ADAM12: variants seen among roughly 807,000 people sequenced by gnomAD.
The protein encoded by ADAM12 is disintegrin and metalloproteinase domain-containing protein 12.
Under a neutral mutation model 106.4 loss-of-function variants are expected in ADAM12, and 70 were observed. The ratio of observed to expected loss-of-function variants is 0.66; its 90% CI spans 0.54 to 0.80. The LOEUF (loss-of-function observed/expected upper bound fraction) is 0.80, where lower values mean the gene tolerates loss of function less well. ADAM12 is among the 30% of genes least tolerant of loss of function. The probability of loss-of-function intolerance (pLI) is 0.00; values close to 1 mark genes in which losing one functional copy is unlikely to be tolerated. For synonymous variants in ADAM12, 420 were observed against 433.5 expected, an observed-to-expected ratio of 0.97 and a Z score of 0.39; for missense variants, 1,010 against 1,171.9, an observed-to-expected ratio of 0.86 and a Z score of 2.02.
chr10:126,132,528 C>A (rs563785639), intron 5 of ADAM12, among the ~76,000 whole-genome samples: 3,594 of 140,090 alleles, frequency 0.026, 148 homozygotes, highest in African/African-American at 0.087. Flanking sequence ...ATGAACACCC[C>A]CCCCCCCTCA....
chr10:126,376,820 G>A (rs1394662056), intron 1 of ADAM12, among the ~76,000 whole-genome samples: 1 of 152,170 alleles, frequency 6.6e-6, no homozygotes, highest in African/African-American at 2.4e-5. Context: ...AGGAGAGGAG[G>A]GGAGAAGGAA....
intron 5 of ADAM12, among the ~76,000 whole-genome samples, chr10:126,134,041 C>T (rs907192140): frequency 6.6e-5 from 10 of 152,128 alleles, no homozygotes; most frequent in Non-Finnish European, 1.5e-4. Context: ...TGTTCAGTGC[C>T]GTGCCCCCAG....
chr10:126,292,710 C>T (rs1960208876), intron 2 of ADAM12, among the ~76,000 whole-genome samples: 1 of 152,192 alleles, frequency 6.6e-6, no homozygotes, highest in Non-Finnish European at 1.5e-5. Flanking sequence ...TCTGCCACTG[C>T]AGTGCAAAAG....
At chr10:126,323,161 A>T (rs929295847) in intron 2 of ADAM12, among the ~76,000 whole-genome samples, 3 of 152,188 alleles carry the variant, frequency 2.0e-5, no homozygotes, top group African/African-American at 7.2e-5. Flanking sequence ...AGGAAACACC[A>T]TTGGCTGGCT....
chr10:126,017,527 T>G (rs1953682272), intron 22 of ADAM12, among the ~76,000 whole-genome samples, 188 bp from the exon 23 acceptor site: 1 of 152,136 alleles, frequency 6.6e-6, no homozygotes, highest in African/African-American at 2.4e-5. Flanking sequence ...AAGTCAACTC[T>G]AGACCAGCAC....
chr10:126,242,731 A>G (rs12252360), intron 3 of ADAM12, among the ~76,000 whole-genome samples: 1,792 of 152,330 alleles, frequency 0.012, 32 homozygotes, highest in African/African-American at 0.04. Context: ...AGCCATGGCC[A>G]GGGTCCCAGG....
At chr10:126,273,081 T>C (rs1191985856) in intron 3 of ADAM12, 1 of 154,052 alleles carries the variant, frequency 6.5e-6, no homozygotes, top group Non-Finnish European at 1.4e-5. Flanking sequence ...TTTGGAACAG[T>C]GATCTCCCAG....
At chr10:126,059,133 A>G (rs373413362) in intron 14 of ADAM12, among the ~76,000 whole-genome samples, 27 of 152,340 alleles carry the variant, frequency 1.8e-4, no homozygotes, top group East Asian at 1.5e-3. Flanking sequence ...TATAACTTAT[A>G]TTTGTAATTG....
intron 2 of ADAM12, among the ~76,000 whole-genome samples, chr10:126,310,429 A>G (rs141995370): frequency 1.7e-3 from 265 of 152,310 alleles, no homozygotes; most frequent in African/African-American, 5.8e-3. Flanking sequence ...CAATAATTAA[A>G]GACCCCAGAG....
chr10:126,159,601 A>G (rs894870137), intron 3 of ADAM12, among the ~76,000 whole-genome samples: 1 of 152,182 alleles, frequency 6.6e-6, no homozygotes, highest in African/African-American at 2.4e-5. Context: ...ACCAGGCTTA[A>G]CTGAAAGCTG....
rs1954885106 is a variant in ADAM12, at chr10:126,066,979, A to G, written c.1324-173T>C. 3.2e-6 allele frequency: 2 copies of G among 615,618 alleles called. No individual in the cohort carries two copies. Among genetic ancestry groups the G allele is most frequent in the Non-Finnish European group, 2.9e-6 (1 of 345,692 alleles). The allele number at this position is 615,618 out of a possible 1,614,324, so 38.1% of individuals were successfully genotyped here. On this transcript the variant is annotated intron_variant, in intron 12 of 22. Transcript: ENST00000448723. This position sits in a 1 kb window ranked among gnomAD's most constrained non-coding sequence, Gnocchi z 5.1. Reference sequence around the variant, plus strand: ...TAGGAAAGCAAAGCTTCTGCTTTTTATGAACCAACTGGGTCTACGAGTCCC... The same window carrying G: ...TAGGAAAGCAAAGCTTCTGCTTTTTGTGAACCAACTGGGTCTACGAGTCCC...
chr10:126,196,365 C>T (rs558420296), intron 3 of ADAM12, among the ~76,000 whole-genome samples: 1 of 152,330 alleles, frequency 6.6e-6, no homozygotes, highest in South Asian at 2.1e-4. Context: ...TTCTCTCAAC[C>T]TTCCTTGTTC....
At chr10:126,313,354 C>T (rs1039398871) in intron 2 of ADAM12, among the ~76,000 whole-genome samples, 2 of 152,178 alleles carry the variant, frequency 1.3e-5, no homozygotes, top group Non-Finnish European at 2.9e-5. Context: ...TATTGGTGAC[C>T]CAGACCAACC....
intron 2 of ADAM12, among the ~76,000 whole-genome samples, chr10:126,305,579 T>C (rs750845346): frequency 5.9e-5 from 9 of 152,122 alleles, no homozygotes; most frequent in Non-Finnish European, 1.2e-4. Context: ...CGTGGGTGTA[T>C]ATACTTGTCA....
rs1457414932 is a variant in ADAM12 at position 126,101,164 on chromosome 10, A to C, written c.819T>G (p.Ser273Arg). Reference protein sequence around the residue: ...VWNDMDKCSVSQDPFTSLHEF... With the variant: ...VWNDMDKCSVRQDPFTSLHEF... ...CATGGAGGCTGGTGAATGGGTCCTG[A>C]CTTACAGAGCATTTGTCCATGTCAT... Residue 273 changes from serine (S) to arginine (R), a missense_variant, in exon 9 of 23, where the codon AGT (serine) becomes AGG (arginine). Around this residue, in one of 3 missense-constraint regions of ADAM12, gnomAD observed 391 missense variants for 442.9 expected, o/e 0.88. Coordinates refer to ENST00000448723, the MANE Select transcript of ADAM12 (RefSeq NM_001288973.2). 3 of 1,614,044 alleles carry C rather than the reference A, an allele frequency of 1.9e-6. No individual in the cohort carries two copies. The highest frequency in any genetic ancestry group is 3.3e-5 in the Admixed American group (2 of 59,998).
In ADAM12 at chr10:126,016,218, TAA is replaced by T. The variant is rs950165762; in HGVS notation, c.*1059_*1060del. The T allele has an allele frequency of 3.3e-4, 50 of 151,868 alleles. No individual in the cohort carries two copies. The highest frequency in any genetic ancestry group is 1.2e-3 in the African/African-American group (49 of 41,196). The allele number at this position is 151,868 out of a possible 1,614,324, so 9.4% of individuals were successfully genotyped here. A position where few individuals can be genotyped will look rare whatever the true frequency, so the allele number is the denominator to read the frequency against. On this transcript the variant is annotated 3_prime_UTR_variant, in exon 23 of 23. Coordinates refer to ENST00000448723, the MANE Select transcript of ADAM12 (RefSeq NM_001288973.2). ...CCATTGGTTGTAGTTTTTGCAAGCA[TAA>T]AGAGTCTGCCTAATTGTTAATAAGT...
At chr10:126,309,536 T>C (rs1960990174) in intron 2 of ADAM12, among the ~76,000 whole-genome samples, 1 of 152,236 alleles carries the variant, frequency 6.6e-6, no homozygotes, top group African/African-American at 2.4e-5. Flanking sequence ...TGGATCATCA[T>C]TCTCAGCCAG....
chr10:126,206,854 T>TGCGGGTGGGGGG (rs61139077), intron 3 of ADAM12, among the ~76,000 whole-genome samples: 1 of 81,832 alleles, frequency 1.2e-5, no homozygotes, highest in Non-Finnish European at 2.6e-5. Context: ...CCATGTGTTG[T>TGCGGGTGGGGGG]GGGGGCGGGG....
intron 3 of ADAM12, among the ~76,000 whole-genome samples, chr10:126,223,829 G>A (rs1958142394): frequency 6.6e-6 from 1 of 152,228 alleles, no homozygotes; most frequent in African/African-American, 2.4e-5. Flanking sequence ...TTGGGCATGA[G>A]TGCTTTCATG....
Sources: gnomAD v4.1 joint callset for allele counts (sites outside exome capture counted in the v4.1 genomes callset) on GRCh38, gnomAD v4.1.1 for gene constraint, gnomAD v4.1.1 regional missense constraint, Gnocchi (gnomAD v3.1) non-coding constraint, MANE v1.5 for transcripts, NCBI Gene and HGNC (gene_info 2026-07-23, HGNC 2026-07-21) for gene names.